CXCL11: variants seen among roughly 807,000 people sequenced by gnomAD.
The protein encoded by CXCL11 is C-X-C motif chemokine 11.
Under a neutral mutation model 9.7 loss-of-function variants are expected in CXCL11, and 7 were observed. That is an observed-to-expected ratio of 0.72 (90% CI 0.41 to 1.36). The LOEUF is 1.36. Among genes scored for constraint, CXCL11 ranks in the 40% most tolerant of loss-of-function variants. The pLI is 0.01. For synonymous variants in CXCL11, 35 were observed against 34.4 expected (o/e 1.02, Z -0.06); for missense variants, 107 against 113.4 (o/e 0.94, Z 0.26).
Position 76,035,923 on chromosome 4 carries a change from A to G in CXCL11, c.61+4T>C. On this transcript the variant is annotated splice_donor_region_variant and intron_variant, in intron 1 of 3. Coordinates refer to ENST00000306621, the MANE Select transcript of CXCL11 (RefSeq NM_005409.5). ...TAGGTTGAGAAATAAAAATTACTGCATACCTTGAACAACTGTAGCACACAA... is the reference window on the plus strand; with the variant it reads ...TAGGTTGAGAAATAAAAATTACTGCGTACCTTGAACAACTGTAGCACACAA... The G allele has an allele frequency of 6.2e-7, 1 of 1,612,486 alleles. No homozygotes were observed. The highest frequency in any genetic ancestry group is 1.1e-5 in the South Asian group (1 of 90,654).
At position 76,034,656 on chromosome 4, in the gene CXCL11, C is replaced by T; in HGVS notation, c.*137G>A. On this transcript the variant is annotated 3_prime_UTR_variant, in exon 4 of 4. Coordinates refer to ENST00000306621, the MANE Select transcript of CXCL11 (RefSeq NM_005409.5). ...ACCTTTCATCCTTCACATAACTGTACAAAAGTTGAAAGTCACAAAACCATA... is the reference window on the plus strand; with the variant it reads ...ACCTTTCATCCTTCACATAACTGTATAAAAGTTGAAAGTCACAAAACCATA... The T allele has an allele frequency of 2.7e-6, 2 of 747,318 alleles. No homozygotes were observed. Among genetic ancestry groups the T allele is most frequent in the Non-Finnish European group, 4.5e-6 (2 of 445,154 alleles). The allele number at this position is 747,318 out of a possible 1,614,324, so 46.3% of individuals were successfully genotyped here. A position where few individuals can be genotyped will look rare whatever the true frequency, so the allele number is the denominator to read the frequency against.
rs780866387 is a variant in CXCL11 at position 76,035,225 on chromosome 4, A to G, written c.179T>C (p.Ile60Thr). ...CAAGTTCATTACTTACATCACTTCT[A>G]TTTTGTCACAGTTGTTACTTGGGTA... ...IMYPSNNCDK[I>T]EVIITLKENK... Residue 60 changes from isoleucine to threonine, a missense_variant, in exon 2 of 4, where the codon ATA becomes ACA. Transcript: ENST00000306621. The G allele has an allele frequency of 1.3e-5, 21 of 1,614,038 alleles. No individual in the cohort carries two copies. The South Asian group carries it at 1.5e-4, about 12-fold the overall frequency.
At position 76,035,324 on chromosome 4, in the gene CXCL11, C is replaced by G. The variant is rs1394794943; in HGVS notation, c.80G>C (p.Arg27Thr). ...TVVQGFPMFKRGRCLCIGPGV... is the reference protein window; with the variant it reads ...TVVQGFPMFKTGRCLCIGPGV... ...AGGGCCTATGCAAAGACAGCGTCCTCTTTTGAACATGGGGAAGCCTAGAAT... is the reference window on the plus strand; with the variant it reads ...AGGGCCTATGCAAAGACAGCGTCCTGTTTTGAACATGGGGAAGCCTAGAAT... Residue 27 changes from arginine (R) to threonine (T), a missense_variant, in exon 2 of 4, where the codon AGA becomes ACA. By Grantham distance (71) the Arg-to-Thr change is moderately conservative. Transcript: ENST00000306621. 1 of 1,613,990 alleles carries G rather than the reference C, an allele frequency of 6.2e-7. No homozygotes were observed. The highest frequency in any genetic ancestry group is 8.5e-7 in the Non-Finnish European group (1 of 1,179,896).
Position 76,034,655 on chromosome 4 carries a change from AC to A in CXCL11, c.*137del. On this transcript the variant is annotated 3_prime_UTR_variant, in exon 4 of 4. Transcript: ENST00000306621. ...CACCTTTCATCCTTCACATAACTGT[AC>A]AAAAGTTGAAAGTCACAAAACCATA... 6.8e-6 allele frequency: 5 copies of A among 736,638 alleles called. No individual in the cohort carries two copies. Among genetic ancestry groups the A allele is most frequent in the African/African-American group, 1.8e-5 (1 of 55,248 alleles). The allele number at this position is 736,638 out of a possible 1,614,324, so 45.6% of individuals were successfully genotyped here.
intron 1 of CXCL11, 109 bp downstream of exon 1, chr4:76,035,818 T>C: frequency 1.0e-6 from 1 of 955,732 alleles, no homozygotes; most frequent in Non-Finnish European, 1.6e-6. Flanking sequence ...TTCTAATCTG[T>C]GAGATTAAAT....
At position 76,034,597 on chromosome 4, in the gene CXCL11, G is replaced by T; in HGVS notation, c.*196C>A. On this transcript the variant is annotated 3_prime_UTR_variant, in exon 4 of 4. Coordinates refer to ENST00000306621, the MANE Select transcript of CXCL11 (RefSeq NM_005409.5). ...GGAATTCTGATTGTCATTCATTCAG[G>T]AAGACTGTATTTCTGTTTTTGGTCC... 1.7e-6 allele frequency: 1 copy of T among 600,164 alleles called. No individual in the cohort carries two copies. The highest frequency in any genetic ancestry group is 2.9e-6 in the Non-Finnish European group (1 of 344,602). 37.2% of individuals were successfully genotyped at this position (600,164 alleles called of 1,614,324 possible).
rs1014911628 is a variant in CXCL11, at chr4:76,034,458, T to C, written c.*335A>G. On this transcript the variant is annotated 3_prime_UTR_variant, in exon 4 of 4. Coordinates refer to ENST00000306621, the MANE Select transcript of CXCL11 (RefSeq NM_005409.5). Reference sequence around the variant, plus strand: ...TCTCTAGCCTAGAAATGCATGAATGTATAATGCAACAAGTAAGAACGTGAA... The same window carrying C: ...TCTCTAGCCTAGAAATGCATGAATGCATAATGCAACAAGTAAGAACGTGAA... 13 of 510,090 alleles carry C rather than the reference T, an allele frequency of 2.5e-5. No homozygotes were observed. The Admixed American group carries it at 3.1e-4, about 12-fold the overall frequency. The allele number at this position is 510,090 out of a possible 1,614,324, so 31.6% of individuals were successfully genotyped here. A position where few individuals can be genotyped will look rare whatever the true frequency, so the allele number is the denominator to read the frequency against.
Position 76,034,687 on chromosome 4 carries a change from G to T in CXCL11, c.*106C>A. The T allele has an allele frequency of 1.1e-6, 1 of 893,570 alleles. No homozygotes were observed. Among genetic ancestry groups the T allele is most frequent in the Non-Finnish European group, 1.8e-6 (1 of 570,996 alleles). 55.4% of individuals were successfully genotyped at this position (893,570 alleles called of 1,614,324 possible). A position where few individuals can be genotyped will look rare whatever the true frequency, so the allele number is the denominator to read the frequency against. ...TTGAAAGTCACAAAACCATAGAAAA[G>T]TCTCAGTTTCCTACTGTAGAATTCT... On this transcript the variant is annotated 3_prime_UTR_variant, in exon 4 of 4. Coordinates refer to ENST00000306621, the MANE Select transcript of CXCL11 (RefSeq NM_005409.5).
Position 76,034,431 on chromosome 4 carries a change from G to A in CXCL11, c.*362C>T, listed in dbSNP as rs556025947. On this transcript the variant is annotated 3_prime_UTR_variant, in exon 4 of 4. Transcript: ENST00000306621. ...TAGTTGTAAGCATCAAATCTAGAAG[G>A]TTCTCTAGCCTAGAAATGCATGAAT... The A allele has an allele frequency of 2.9e-5, 14 of 481,668 alleles. No individual in the cohort carries two copies. The East Asian group carries it at 4.5e-4, about 15-fold the overall frequency. 29.8% of individuals were successfully genotyped at this position (481,668 alleles called of 1,614,324 possible). A position where few individuals can be genotyped will look rare whatever the true frequency, so the allele number is the denominator to read the frequency against.
At chr4:76,035,898 T>G in intron 1 of CXCL11, 29 bp downstream of exon 1, 1 of 1,595,782 alleles carries the variant, frequency 6.3e-7, no homozygotes, top group Non-Finnish European at 8.6e-7. Flanking sequence ...AAGGAACTTA[T>G]AGGTTGAGAA....
Position 76,035,138 on chromosome 4 carries a change from A to AAG in CXCL11, c.189-20_189-19insCT, listed in dbSNP as rs397769081. 84 of 1,612,764 alleles carry AAG rather than the reference A, an allele frequency of 5.2e-5. No individual in the cohort carries two copies. Among genetic ancestry groups the AAG allele is most frequent in the Non-Finnish European group, 6.7e-5 (79 of 1,179,430 alleles). The stretch of plus-strand genomic sequence containing the variant: ...GGTAATACTGTTAAAAGAACATACA[A>AAG]GAGTCTTAAAGTTTAGATGCAAATA... On this transcript the variant is annotated intron_variant, in intron 2 of 3. Transcript: ENST00000306621.
In CXCL11 at chr4:76,033,744, A is replaced by C. The variant is rs1198371246; in HGVS notation, c.*1049T>G. 1 of 152,210 alleles carries C rather than the reference A, an allele frequency of 6.6e-6. No homozygotes were observed. Among genetic ancestry groups the C allele is most frequent in the African/African-American group, 2.4e-5 (1 of 41,464 alleles). The allele number at this position is 152,210 out of a possible 1,614,324, so 9.4% of individuals were successfully genotyped here. The stretch of plus-strand genomic sequence containing the variant: ...GAAAAAAATGACTTTGATTCTTTAA[A>C]CTAGTCTTGAGTATACCTAAATTTT... On this transcript the variant is annotated 3_prime_UTR_variant, in exon 4 of 4. Coordinates refer to ENST00000306621, the MANE Select transcript of CXCL11 (RefSeq NM_005409.5).
chr4:76,034,983 T>C, intron 3 of CXCL11, 64 bp downstream of exon 3: 1 of 1,489,810 alleles, frequency 6.7e-7, no homozygotes, highest in Non-Finnish European at 9.3e-7. Flanking sequence ...CACATTATTT[T>C]CTTTTTCAAA....
At position 76,036,054 on chromosome 4, in the gene CXCL11, G is replaced by T; in HGVS notation, c.-67C>A. 1 of 1,437,986 alleles carries T rather than the reference G, an allele frequency of 7.0e-7. No homozygotes were observed. Among genetic ancestry groups the T allele is most frequent in the Non-Finnish European group, 9.8e-7 (1 of 1,024,584 alleles). The allele number at this position is 1,437,986 out of a possible 1,614,324, so 89.1% of individuals were successfully genotyped here. A position where few individuals can be genotyped will look rare whatever the true frequency, so the allele number is the denominator to read the frequency against. The stretch of plus-strand genomic sequence containing the variant: ...TCAGCTTTGCTGCTCTTCTTGGAAG[G>T]AGTAGAAATGCTGAACATGAAAGGA... On this transcript the variant is annotated 5_prime_UTR_variant, in exon 1 of 4. Coordinates refer to ENST00000306621, the MANE Select transcript of CXCL11 (RefSeq NM_005409.5).
At chr4:76,035,880 C>G (rs1734343345) in intron 1 of CXCL11, 47 bp downstream of exon 1, 5 of 1,517,468 alleles carry the variant, frequency 3.3e-6, no homozygotes, top group Non-Finnish European at 4.5e-6. Flanking sequence ...ACATTTGAAA[C>G]ATTAGAAAAG....
Position 76,035,946 on chromosome 4 carries a change from C to G in CXCL11, c.42G>C (p.Leu14Phe), listed in dbSNP as rs1734356332. ...KGMAIALAVILCATVVQGFPM... is the reference protein window; with the variant it reads ...KGMAIALAVIFCATVVQGFPM... The stretch of plus-strand genomic sequence containing the variant: ...GCATACCTTGAACAACTGTAGCACA[C>G]AATATCACAGCCAAGGCTATAGCCA... The change falls in exon 1 of 4, where the codon TTG becomes TTC. Residue 14 changes from leucine to phenylalanine, a missense_variant. Physicochemically the swap from Leu to Phe is conservative, Grantham distance 22 (BLOSUM62 0). Coordinates refer to ENST00000306621, the MANE Select transcript of CXCL11 (RefSeq NM_005409.5). The G allele has an allele frequency of 6.2e-7, 1 of 1,613,584 alleles. No individual in the cohort carries two copies. The highest frequency in any genetic ancestry group is 1.3e-5 in the African/African-American group (1 of 74,918).
intron 1 of CXCL11, 44 bp downstream of exon 1, chr4:76,035,883 T>A (rs765701525): frequency 6.5e-7 from 1 of 1,535,902 alleles, no homozygotes; most frequent in African/African-American, 1.4e-5. Flanking sequence ...TTTGAAACAT[T>A]AGAAAAGGAA....
chr4:76,034,884 A>T, intron 3 of CXCL11, 68 bp from the exon 4 acceptor site: 4 of 1,443,434 alleles, frequency 2.8e-6, no homozygotes, highest in Non-Finnish European at 3.9e-6. Context: ...ATCTAAAAAC[A>T]TGTAGTAAGA....
intron 1 of CXCL11, 73 bp downstream of exon 1, chr4:76,035,854 A>G (rs1734340357): frequency 7.4e-7 from 1 of 1,344,240 alleles, no homozygotes; most frequent in South Asian, 1.2e-5. Flanking sequence ...CTTTTAGGAT[A>G]AAAGTGGAAG....
Sources: allele counts gnomAD v4.1 joint callset, GRCh38; gene constraint gnomAD v4.1.1; transcripts MANE v1.5; gene names NCBI Gene and HGNC (gene_info 2026-07-23, HGNC 2026-07-21).